CCDC102B: variants seen among roughly 807,000 people sequenced by gnomAD.
CCDC102B encodes the protein coiled-coil domain containing 102B.
A neutral mutation model predicts 57.4 loss-of-function variants in CCDC102B; 75 were observed. That is an observed-to-expected ratio of 1.31 (90% CI 1.08 to 1.58). CCDC102B has a LOEUF of 1.58. Among genes scored for constraint, CCDC102B ranks in the 40% most tolerant of loss-of-function variants. CCDC102B has a pLI of 0.00. For missense variants in CCDC102B, 636 were observed against 582.6 expected, an observed-to-expected ratio of 1.09 and a Z score of -0.94; for synonymous variants, 206 against 201.9, an observed-to-expected ratio of 1.02 and a Z score of -0.17.
intron 2 of CCDC102B, among the ~76,000 whole-genome samples, chr18:68,792,542 TGCCAGTGATA>T (rs2035495543): frequency 6.6e-6 from 1 of 152,240 alleles, no homozygotes. Context: ...AAACAACTAT[TGCCAGTGATA>T]GCCTTAATCC....
intron 2 of CCDC102B, among the ~76,000 whole-genome samples, chr18:68,788,896 C>T (rs1014981712): frequency 7.9e-5 from 12 of 152,068 alleles, no homozygotes; most frequent in Admixed American, 4.6e-4. Context: ...TTATTTTGCT[C>T]GTTAGTTGAT....
chr18:68,994,828 G>C (rs2195738), intron 6 of CCDC102B, among the ~76,000 whole-genome samples: 130,622 of 152,170 alleles, frequency 0.86, 57,982 homozygotes, highest in Non-Finnish European at 0.97. Flanking sequence ...CAGACTGATA[G>C]AGTAAATTGC....
chr18:68,725,760 C>T (rs570109819), intron 2 of CCDC102B, among the ~76,000 whole-genome samples: 31 of 152,254 alleles, frequency 2.0e-4, no homozygotes, highest in East Asian at 1.9e-3. Flanking sequence ...TAATTTTATC[C>T]GCAAAATCCC....
chr18:69,007,052 C>T (rs2051370520), intron 6 of CCDC102B, among the ~76,000 whole-genome samples: 2 of 152,176 alleles, frequency 1.3e-5, no homozygotes, highest in South Asian at 2.1e-4. Flanking sequence ...AGTGTAGGTA[C>T]CTGGGAAGCA....
chr18:68,844,692 T>C (rs1299058795), intron 3 of CCDC102B, among the ~76,000 whole-genome samples: 1 of 151,932 alleles, frequency 6.6e-6, no homozygotes, highest in African/African-American at 2.4e-5. Flanking sequence ...GTACATATAC[T>C]TTCTAAATCT....
chr18:68,881,779 A>C (rs1599627840), intron 5 of CCDC102B, among the ~76,000 whole-genome samples: 1 of 152,006 alleles, frequency 6.6e-6, no homozygotes, highest in Non-Finnish European at 1.5e-5. Context: ...CTTATAATTT[A>C]TCTCTCCCAT....
At chr18:69,057,474 C>A (rs2145512476), downstream of CCDC102B, among the ~76,000 whole-genome samples, 1 of 152,086 alleles carries the variant, frequency 6.6e-6, no homozygotes, top group African/African-American at 2.4e-5. Flanking sequence ...CTGGCTGGGC[C>A]TCTCCCTTGT....
At chr18:68,967,115 G>A (rs1463759162) in intron 6 of CCDC102B, among the ~76,000 whole-genome samples, 1 of 152,044 alleles carries the variant, frequency 6.6e-6, no homozygotes, top group Non-Finnish European at 1.5e-5. Flanking sequence ...ACCCAAACCA[G>A]GTTTACTTCT....
At chr18:68,928,956 G>T (rs980253090) in intron 6 of CCDC102B, among the ~76,000 whole-genome samples, 3 of 151,824 alleles carry the variant, frequency 2.0e-5, no homozygotes, top group Non-Finnish European at 2.9e-5. Context: ...TGACAAAGCG[G>T]CAGAAAAGGT....
chr18:69,050,074 G>A (rs1006290854), intron 7 of CCDC102B, among the ~76,000 whole-genome samples: 12 of 151,682 alleles, frequency 7.9e-5, no homozygotes, highest in African/African-American at 2.4e-4. Context: ...CTCTGAAAGT[G>A]TTGGTATTAT....
intron 1 of CCDC102B, among the ~76,000 whole-genome samples, chr18:68,834,432 C>T (rs62097581): frequency 1.5e-5 from 2 of 137,710 alleles, no homozygotes; most frequent in African/African-American, 2.7e-5. Flanking sequence ...TATGTAAATA[C>T]ATATATATAT....
intron 4 of CCDC102B, among the ~76,000 whole-genome samples, chr18:68,867,388 A>G (rs538017706): frequency 2.0e-5 from 3 of 152,068 alleles, no homozygotes; most frequent in African/African-American, 7.2e-5. Flanking sequence ...CTCTCTCCAT[A>G]TTGGGCTCTG....
chr18:68,896,414 T>C (rs1393909329), intron 5 of CCDC102B, among the ~76,000 whole-genome samples: 1 of 151,956 alleles, frequency 6.6e-6, no homozygotes, highest in African/African-American at 2.4e-5. Context: ...TGATATACCA[T>C]GCAGCCTTGG....
At chr18:68,963,294 CTT>C (rs1327679084) in intron 6 of CCDC102B, among the ~76,000 whole-genome samples, 2 of 151,876 alleles carry the variant, frequency 1.3e-5, no homozygotes, top group Non-Finnish European at 2.9e-5. Context: ...ATGAAGGACA[CTT>C]CGGTAAAAGT....
rs536746281 is a variant in CCDC102B at position 69,054,009 on chromosome 18, C to T, written c.1435-21C>T. ...ATAGAACACTTGAACCTAACTAAAGCATTTTCTACTTCGCTTTCAGCTTGA... is the reference window on the plus strand; with the variant it reads ...ATAGAACACTTGAACCTAACTAAAGTATTTTCTACTTCGCTTTCAGCTTGA... On this transcript the variant is annotated intron_variant, in intron 7 of 7. Transcript: ENST00000360242. 49 of 1,591,286 alleles carry T rather than the reference C, an allele frequency of 3.1e-5. 1 individual carries two copies. In the South Asian group the frequency reaches 5.0e-4, roughly 16 times the overall value.
intron 1 of CCDC102B, among the ~76,000 whole-genome samples, chr18:68,799,567 A>C (rs576325752): frequency 6.6e-6 from 1 of 152,288 alleles, no homozygotes; most frequent in African/African-American, 2.4e-5. Flanking sequence ...TTACAAGACC[A>C]ATTGAATTCT....
chr18:68,725,538 C>T (rs962266987), intron 2 of CCDC102B, among the ~76,000 whole-genome samples: 1 of 152,164 alleles, frequency 6.6e-6, no homozygotes, highest in Non-Finnish European at 1.5e-5. Flanking sequence ...TCCTTGACAA[C>T]TTCTGTCTGG....
At chr18:68,841,478 A>G (rs936999735) in intron 3 of CCDC102B, among the ~76,000 whole-genome samples, 1 of 152,204 alleles carries the variant, frequency 6.6e-6, no homozygotes, top group Non-Finnish European at 1.5e-5. Flanking sequence ...TCCCAGGTAG[A>G]AAATTTGGAG....
chr18:69,021,389 C>T (rs12456513), intron 7 of CCDC102B, among the ~76,000 whole-genome samples: 123,875 of 152,122 alleles, frequency 0.81, 52,919 homozygotes, highest in Non-Finnish European at 0.95. Context: ...AAGCCATCTG[C>T]AGGTTCACAT....
Sources: gnomAD v4.1 joint callset for allele counts (sites outside exome capture counted in the v4.1 genomes callset) on GRCh38, gnomAD v4.1.1 for gene constraint, MANE v1.5 for transcripts, NCBI Gene and HGNC (gene_info 2026-07-23, HGNC 2026-07-21) for gene names.